The following PLXNA4 variants were observed in gnomAD, a reference collection of about 807,000 sequenced individuals.
PLXNA4 encodes plexin A4.
Under a neutral mutation model 191.8 loss-of-function variants are expected in PLXNA4, and 44 were observed. The observed-to-expected ratio is 0.23, with a 90% confidence interval of 0.18 to 0.29. PLXNA4 has a LOEUF of 0.29. PLXNA4 is among the 10% of genes least tolerant of loss of function. PLXNA4 has a pLI of 1.00. For synonymous variants in PLXNA4, 1,082 were observed against 1,009.5 expected, an observed-to-expected ratio of 1.07 and a Z score of -1.36; for missense variants, 1,800 against 2,488.8, an observed-to-expected ratio of 0.72 and a Z score of 5.89.
intron 7 of PLXNA4, among the ~76,000 whole-genome samples, chr7:132,226,732 C>A (rs1019502753): frequency 6.6e-6 from 1 of 152,202 alleles, no homozygotes; most frequent in South Asian, 2.1e-4. Context: ...GCTCAGGGCT[C>A]CACCGGGGCG....
intron 2 of PLXNA4, among the ~76,000 whole-genome samples, chr7:132,589,895 A>G (rs1371421259): frequency 6.6e-6 from 1 of 152,212 alleles, no homozygotes; most frequent in Non-Finnish European, 1.5e-5. Flanking sequence ...CCAGCAGACG[A>G]GAGAAGATGA....
chr7:132,173,806 T>C (rs1251225168), intron 21 of PLXNA4, among the ~76,000 whole-genome samples: 3 of 152,234 alleles, frequency 2.0e-5, no homozygotes, highest in Non-Finnish European at 2.9e-5. Flanking sequence ...GCTGTAGATT[T>C]TTGATCCATC....
chr7:132,133,589 C>T (rs1279682030), intron 30 of PLXNA4, among the ~76,000 whole-genome samples: 1 of 152,056 alleles, frequency 6.6e-6, no homozygotes, highest in Non-Finnish European at 1.5e-5. Context: ...CAGCAGGGCC[C>T]GAAGGCTCTT....
chr7:132,540,780 T>G (rs998184630), intron 1 of PLXNA4, among the ~76,000 whole-genome samples: 1 of 151,156 alleles, frequency 6.6e-6, no homozygotes, highest in African/African-American at 2.4e-5. Context: ...GTAGAGACGG[T>G]GTTTCACCTT....
intron 2 of PLXNA4, among the ~76,000 whole-genome samples, chr7:132,615,889 C>G (rs1245568483): frequency 6.6e-6 from 1 of 150,594 alleles, no homozygotes; most frequent in African/African-American, 2.4e-5. Flanking sequence ...CTCCCTTCTC[C>G]CCTCTGGAGA....
intron 3 of PLXNA4, among the ~76,000 whole-genome samples, chr7:132,473,997 C>T (rs1046835524): frequency 6.6e-6 from 1 of 152,040 alleles, no homozygotes; most frequent in Non-Finnish European, 1.5e-5. Flanking sequence ...CTGACAGCAT[C>T]TCTTCAAGTG....
At position 132,168,481 on chromosome 7, in the gene PLXNA4, C is replaced by A. The variant is rs749495222; in HGVS notation, c.4109G>T (p.Arg1370Leu). The A allele has an allele frequency of 9.9e-6, 16 of 1,613,516 alleles. No homozygotes were observed. The highest frequency in any genetic ancestry group is 1.4e-5 in the Non-Finnish European group (16 of 1,179,698). The change falls in exon 22 of 32, where the codon CGC becomes CTC. Residue 1370 changes from arginine to leucine, a missense_variant. Physicochemically the swap from Arg to Leu is moderately radical, Grantham distance 102 (BLOSUM62 -2). Transcript: ENST00000321063. Reference sequence around the variant, plus strand: ...GAAGCTACGCTGGGACTCAAGCGTGCGGATGAAGGACAGCAGGAACACCTT... The same window carrying A: ...GAAGCTACGCTGGGACTCAAGCGTGAGGATGAAGGACAGCAGGAACACCTT... ...NNKVFLLSFI[R>L]TLESQRSFSM...
chr7:132,228,510 C>T, intron 5 of PLXNA4, 41 bp from the exon 6 acceptor site: 1 of 1,612,066 alleles, frequency 6.2e-7, no homozygotes, highest in Non-Finnish European at 8.5e-7. Flanking sequence ...GAGATGGCCG[C>T]TTGGTCCAGG....
At chr7:132,465,124 C>A (rs1368032791) in intron 3 of PLXNA4, among the ~76,000 whole-genome samples, 1 of 152,216 alleles carries the variant, frequency 6.6e-6, no homozygotes, top group African/African-American at 2.4e-5. Flanking sequence ...ACTCCCCAGA[C>A]CTCACCCCAA....
intron 1 of PLXNA4, among the ~76,000 whole-genome samples, chr7:132,563,105 CCTCTCCCTCCTCCTCCTT>C (rs1801385709): frequency 9.6e-6 from 1 of 104,564 alleles, no homozygotes; most frequent in African/African-American, 3.6e-5. Flanking sequence ...TCCTCCTCCT[CCTCTCCCTCCTCCTCCTT>C]CTCCTCCTCC....
At chr7:132,157,146 T>C (rs755772720) in intron 25 of PLXNA4, among the ~76,000 whole-genome samples, 4 of 152,164 alleles carry the variant, frequency 2.6e-5, no homozygotes, top group Non-Finnish European at 5.9e-5. Flanking sequence ...CTCTGTTTGT[T>C]TGGGTGCCTG....
intron 2 of PLXNA4, among the ~76,000 whole-genome samples, chr7:132,593,397 T>C (rs932113109): frequency 6.6e-6 from 1 of 152,230 alleles, no homozygotes; most frequent in African/African-American, 2.4e-5. Context: ...AGATGAATTT[T>C]GTGACACCAC....
At chr7:132,527,785 A>T (rs1799463949) in intron 1 of PLXNA4, among the ~76,000 whole-genome samples, 1 of 152,052 alleles carries the variant, frequency 6.6e-6, no homozygotes, top group Admixed American at 6.5e-5. Flanking sequence ...CACATGCCAG[A>T]CTCAACCTCC....
rs779584140 is a variant in PLXNA4 at position 132,164,295 on chromosome 7, G to A, written c.4354-7C>T. On this transcript the variant is annotated splice_region_variant and splice_polypyrimidine_tract_variant and intron_variant, in intron 23 of 31. Coordinates refer to ENST00000321063, the MANE Select transcript of PLXNA4 (RefSeq NM_020911.2). The stretch of plus-strand genomic sequence containing the variant: ...GGGGCTCCCCAGCACACTCCTGGAG[G>A]TGAGAAGAACGTCATTAGGAGGAGC... 1 of 1,613,670 alleles carries A rather than the reference G, an allele frequency of 6.2e-7. No individual in the cohort carries two copies. Among genetic ancestry groups the A allele is most frequent in the Admixed American group, 1.7e-5 (1 of 60,024 alleles).
intron 3 of PLXNA4, among the ~76,000 whole-genome samples, chr7:132,414,368 C>T (rs980358815): frequency 1.3e-5 from 2 of 152,102 alleles, no homozygotes; most frequent in African/African-American, 2.4e-5. Flanking sequence ...TTCAATTAAG[C>T]GATGGGGAGA....
At chr7:132,420,682 G>T (rs1794818654) in intron 3 of PLXNA4, among the ~76,000 whole-genome samples, 1 of 152,154 alleles carries the variant, frequency 6.6e-6, no homozygotes, top group Non-Finnish European at 1.5e-5. Flanking sequence ...ATATGGTTTG[G>T]CTGTGTCCCC....
intron 3 of PLXNA4, among the ~76,000 whole-genome samples, chr7:132,317,546 G>A (rs188898008): frequency 1.5e-4 from 23 of 152,278 alleles, no homozygotes; most frequent in Non-Finnish European, 3.2e-4. Context: ...GATGGGGTTG[G>A]ATTGGGTTGT....
Position 132,140,581 on chromosome 7 carries a change from C to G in PLXNA4, c.5438+18G>C, listed in dbSNP as rs1458235603. 1 of 1,611,118 alleles carries G rather than the reference C, an allele frequency of 6.2e-7. No homozygotes were observed. Among genetic ancestry groups the G allele is most frequent in the East Asian group, 2.2e-5 (1 of 44,816 alleles). The stretch of plus-strand genomic sequence containing the variant: ...TCCAGCAAGGGGCCCTGACTTGGCT[C>G]CGTGGCCCAGCACTCACCTCTCCAC... On this transcript the variant is annotated intron_variant, in intron 30 of 31. Coordinates refer to ENST00000321063, the MANE Select transcript of PLXNA4 (RefSeq NM_020911.2).
At chr7:132,378,855 T>C (rs2116932029) in intron 3 of PLXNA4, among the ~76,000 whole-genome samples, 1 of 150,304 alleles carries the variant, frequency 6.7e-6, no homozygotes, top group East Asian at 2.0e-4. Flanking sequence ...ATCTTTTTTT[T>C]TTTTTTTTTT....
Sources: gnomAD v4.1 joint callset for allele counts (sites outside exome capture counted in the v4.1 genomes callset) on GRCh38, gnomAD v4.1.1 for gene constraint, MANE v1.5 for transcripts, NCBI Gene and HGNC (gene_info 2026-07-23, HGNC 2026-07-21) for gene names.